The following ETV6 variants were observed in gnomAD, a reference collection of about 807,000 sequenced individuals.
ETV6 encodes transcription factor ETV6.
ETV6 carries 16 observed loss-of-function variants against 51.1 expected under a neutral mutation model. The observed-to-expected ratio is 0.31, with a 90% confidence interval of 0.21 to 0.48. ETV6 has a LOEUF of 0.48. Ranked by LOEUF, ETV6 falls within the 20% of genes least tolerant of loss-of-function variation. The pLI, the probability that ETV6 is intolerant of heterozygous loss-of-function variation, is 0.99. For synonymous variants in ETV6, 240 were observed against 224.1 expected (o/e 1.07, Z -0.64); for missense variants, 458 against 594.8 (o/e 0.77, Z 2.39).
chr12:11,774,434 C>G (rs1945289461), intron 2 of ETV6, among the ~76,000 whole-genome samples: 1 of 152,182 alleles, frequency 6.6e-6, no homozygotes, highest in Non-Finnish European at 1.5e-5. Flanking sequence ...GGTGAAGAGA[C>G]TATGGACTCT....
chr12:11,792,512 C>A (rs1174385500), intron 2 of ETV6, among the ~76,000 whole-genome samples: 1 of 151,954 alleles, frequency 6.6e-6, no homozygotes, highest in Non-Finnish European at 1.5e-5. Context: ...CATGGTGAAA[C>A]CCTGTCTCTA....
At chr12:11,813,002 A>C (rs1054704229) in intron 2 of ETV6, among the ~76,000 whole-genome samples, 1 of 152,030 alleles carries the variant, frequency 6.6e-6, no homozygotes, top group Non-Finnish European at 1.5e-5. Flanking sequence ...GGTGCTGGGG[A>C]GGGAGTGCAT....
intron 1 of ETV6, among the ~76,000 whole-genome samples, chr12:11,730,479 C>G (rs979849017): frequency 1.3e-5 from 2 of 152,310 alleles, no homozygotes; most frequent in Admixed American, 6.5e-5. Flanking sequence ...TCAGAGAGCT[C>G]CAAGGAAGCC....
chr12:11,731,214 A>C (rs1327188213), intron 1 of ETV6, among the ~76,000 whole-genome samples: 1 of 152,234 alleles, frequency 6.6e-6, no homozygotes, highest in Admixed American at 6.5e-5. Context: ...TGATGTATGA[A>C]ATAAAGGTAT....
intron 1 of ETV6, among the ~76,000 whole-genome samples, chr12:11,700,387 T>A (rs1420436098): frequency 6.6e-6 from 1 of 152,160 alleles, no homozygotes; most frequent in Non-Finnish European, 1.5e-5. Flanking sequence ...CTCCTATCTT[T>A]GGAGTCTCCA....
chr12:11,743,287 C>A (rs1009532446), intron 1 of ETV6, among the ~76,000 whole-genome samples: 1 of 152,226 alleles, frequency 6.6e-6, no homozygotes, highest in Admixed American at 6.5e-5. Flanking sequence ...AGATATAAAT[C>A]TTTTCCAGAC....
intron 3 of ETV6, among the ~76,000 whole-genome samples, chr12:11,846,558 A>G (rs1303904468): frequency 6.6e-6 from 1 of 152,188 alleles, no homozygotes; most frequent in Non-Finnish European, 1.5e-5. Context: ...TTTCACTGAT[A>G]ATTCTATTCC....
chr12:11,742,596 A>C lies in ETV6; in HGVS notation c.34-9854A>C, dbSNP rs1865829894. Among the ~76,000 whole-genome samples, 6 of 152,150 alleles carry C rather than the reference A, an allele frequency of 3.9e-5. No homozygotes were observed. The South Asian group carries it at 1.2e-3, about 32-fold the overall frequency. ...TCTGCCTCCTTCCCCAGTTACTGTC[A>C]ATCTTCAGTCTTCTTTTGAATTAAG... On this transcript the variant is annotated intron_variant, in intron 1 of 7. Coordinates refer to ENST00000396373, the MANE Select transcript of ETV6 (RefSeq NM_001987.5).
intron 1 of ETV6, 27 bp from the exon 2 acceptor site, chr12:11,752,423 C>T (rs1866049669): frequency 1.3e-6 from 2 of 1,598,982 alleles, no homozygotes; most frequent in Non-Finnish European, 1.7e-6. Context: ...TCTCCCCCTC[C>T]CCTCTTCCTG....
intron 1 of ETV6, among the ~76,000 whole-genome samples, chr12:11,663,476 A>C (rs779334038): frequency 2.0e-5 from 3 of 152,222 alleles, no homozygotes; most frequent in Non-Finnish European, 4.4e-5. Context: ...ATGGGATGAT[A>C]AATTGCAGAA....
intron 2 of ETV6, among the ~76,000 whole-genome samples, chr12:11,763,155 C>G (rs1267404735): frequency 6.6e-6 from 1 of 152,168 alleles, no homozygotes; most frequent in Admixed American, 6.5e-5. Context: ...TTCCTTCACG[C>G]CATTGTTCTT....
intron 2 of ETV6, among the ~76,000 whole-genome samples, chr12:11,824,729 G>A (rs932518858): frequency 3.9e-5 from 6 of 152,104 alleles, no homozygotes; most frequent in Admixed American, 2.6e-4. Flanking sequence ...CCTAGATCGC[G>A]CTAATGCACT....
intron 2 of ETV6, among the ~76,000 whole-genome samples, chr12:11,797,529 T>A (rs1327621855): frequency 6.6e-6 from 1 of 152,124 alleles, no homozygotes; most frequent in Non-Finnish European, 1.5e-5. Flanking sequence ...CAGAGCTGGG[T>A]AGGAACCAAG....
chr12:11,778,030 T>TGG (rs1945357187), intron 2 of ETV6, among the ~76,000 whole-genome samples: 1 of 152,184 alleles, frequency 6.6e-6, no homozygotes, highest in Non-Finnish European at 1.5e-5. Context: ...CATTTATGAA[T>TGG]GGGTGGATCT....
chr12:11,654,742 T>C (rs1363214200), intron 1 of ETV6, among the ~76,000 whole-genome samples: 1 of 152,190 alleles, frequency 6.6e-6, no homozygotes, highest in African/African-American at 2.4e-5. Flanking sequence ...TTTTTTACAG[T>C]GCACAAAGGC....
chr12:11,846,144 C>G (rs1946459971), intron 3 of ETV6, among the ~76,000 whole-genome samples: 2 of 151,792 alleles, frequency 1.3e-5, no homozygotes, highest in Non-Finnish European at 2.9e-5. Flanking sequence ...TCATCCTGAA[C>G]CCATCAAAGG....
At chr12:11,771,956 C>T (rs1322362904) in intron 2 of ETV6, among the ~76,000 whole-genome samples, 1 of 152,200 alleles carries the variant, frequency 6.6e-6, no homozygotes, top group African/African-American at 2.4e-5. Context: ...TTTCCAGATT[C>T]TCAAATTCCC....
rs1316148788 is a variant in ETV6, at chr12:11,859,133, T to C, written c.463+5572T>C. Among the ~76,000 whole-genome samples, 148 of 67,698 alleles carry C rather than the reference T, an allele frequency of 2.2e-3. 29 individuals are homozygous for C. In the East Asian group the frequency reaches 0.029, roughly 13 times the overall value. 44.4% of individuals were successfully genotyped at this position (67,698 alleles called of 152,430 possible). On this transcript the variant is annotated intron_variant, in intron 4 of 7. Coordinates refer to ENST00000396373, the MANE Select transcript of ETV6 (RefSeq NM_001987.5). Reference sequence around the variant, plus strand: ...ATATGAATCTGGTTTTTTTTTTTTTTTTTTTTTTTTTTTTTTTTTTTTTTT... The same window carrying C: ...ATATGAATCTGGTTTTTTTTTTTTTCTTTTTTTTTTTTTTTTTTTTTTTTT...
chr12:11,675,715 G>T (rs562949988), intron 1 of ETV6, among the ~76,000 whole-genome samples: 1 of 152,272 alleles, frequency 6.6e-6, no homozygotes, highest in East Asian at 1.9e-4. Flanking sequence ...CCAGGAGGCT[G>T]GGGCAGTAGG....
Sources: allele counts gnomAD v4.1 joint callset (sites outside exome capture counted in the v4.1 genomes callset), GRCh38; gene constraint gnomAD v4.1.1; transcripts MANE v1.5; gene names NCBI Gene and HGNC (gene_info 2026-07-23, HGNC 2026-07-21).